UNG: variants seen among roughly 807,000 people sequenced by gnomAD.
UNG encodes the protein uracil DNA glycosylase.
UNG carries 34 observed loss-of-function variants against 36.5 expected under a neutral mutation model. That is an observed-to-expected ratio of 0.93 (90% CI 0.71 to 1.24). The LOEUF is 1.24. Among genes scored for constraint, UNG ranks in the 50% most tolerant of loss-of-function variants. UNG has a pLI of 0.00. For missense variants in UNG, 391 were observed against 397.6 expected (o/e 0.98, Z 0.14); for synonymous variants, 172 against 157.8 (o/e 1.09, Z -0.67).
chr12:109,101,812 T>G, intron 3 of UNG, 90 bp from the exon 4 acceptor site: 1 of 1,115,320 alleles, frequency 9.0e-7, no homozygotes, highest in Non-Finnish European at 1.4e-6. Context: ...ATAGAAGTGT[T>G]TTATTTGTTT....
Position 109,099,292 on chromosome 12 carries a change from C to CA in UNG, c.435+10dup. The CA allele has an allele frequency of 6.2e-7, 1 of 1,609,934 alleles. No homozygotes were observed. Among genetic ancestry groups the CA allele is most frequent in the South Asian group, 1.1e-5 (1 of 91,016 alleles). Reference sequence around the variant, plus strand: ...ATGTGTGACATAAAAGATGTAAGTACAACTTGTTGATAATTTTTATTGGGG... The same window carrying CA: ...ATGTGTGACATAAAAGATGTAAGTACAAACTTGTTGATAATTTTTATTGGGG... On this transcript the variant is annotated intron_variant, in intron 3 of 6. Coordinates refer to ENST00000242576, the MANE Select transcript of UNG (RefSeq NM_080911.3).
intron 1 of UNG, chr12:109,098,132 G>A: frequency 7.2e-7 from 1 of 1,386,118 alleles, no homozygotes; most frequent in African/African-American, 1.5e-5. Flanking sequence ...GACCACGTGG[G>A]GACGCGGTGG....
At chr12:109,098,054 G>C in intron 1 of UNG, 1 of 1,374,724 alleles carries the variant, frequency 7.3e-7, no homozygotes, top group Non-Finnish European at 9.4e-7. Flanking sequence ...GGCCCTCCTG[G>C]CTCGGTGCGC....
At chr12:109,107,685 C>G (rs1179880341) in intron 6 of UNG, among the ~76,000 whole-genome samples, 3 of 151,874 alleles carry the variant, frequency 2.0e-5, no homozygotes, top group Non-Finnish European at 1.5e-5. Flanking sequence ...ACCACCACAT[C>G]CAGCTAATTT....
chr12:109,097,838 G>C (rs1201871410), intron 1 of UNG, 27 bp downstream of exon 1: 4 of 1,501,978 alleles, frequency 2.7e-6, no homozygotes, highest in Non-Finnish European at 3.6e-6. Context: ...GCCGGGGCTA[G>C]GGGGTGAAGG....
rs773617744 is a variant in UNG, at chr12:109,098,599, G to A, written c.300G>A (p.Lys100=). 6.2e-7 allele frequency: 1 copy of A among 1,613,590 alleles called. No individual in the cohort carries two copies. ...VPVGFGESWK[K]HLSGEFGKPY... ...TGGGCTTTGGAGAGAGCTGGAAGAAGCACCTCAGCGGGGAGTTCGGGAAAC... is the reference window on the plus strand; with the variant it reads ...TGGGCTTTGGAGAGAGCTGGAAGAAACACCTCAGCGGGGAGTTCGGGAAAC... The change falls in exon 2 of 7, where the codon AAG becomes AAA. Residue 100 remains lysine (K), a synonymous_variant. Transcript: ENST00000242576.
Position 109,103,463 on chromosome 12 carries a change from T to G in UNG, c.653T>G (p.Val218Gly), listed in dbSNP as rs1357632504. Reference protein sequence around the residue: ...GVLLLNAVLTVRAHQANSHKE... With the variant: ...GVLLLNAVLTGRAHQANSHKE... ...CTCCTTCTCAACGCTGTCCTCACGG[T>G]TCGTGCCCATCAAGCCAACTCTCAT... The change falls in exon 6 of 7, where the codon GTT becomes GGT. Residue 218 changes from valine (V) to glycine (G), a missense_variant. Coordinates refer to ENST00000242576, the MANE Select transcript of UNG (RefSeq NM_080911.3). 1.9e-6 allele frequency: 3 copies of G among 1,614,184 alleles called. No homozygotes were observed. Among genetic ancestry groups the G allele is most frequent in the Non-Finnish European group, 2.5e-6 (3 of 1,180,032 alleles).
chr12:109,098,553 T>A lies in UNG; in HGVS notation c.254T>A (p.Leu85His), dbSNP rs1297621204. 2 of 1,613,204 alleles carry A rather than the reference T, an allele frequency of 1.2e-6. No homozygotes were observed. The highest frequency in any genetic ancestry group is 1.7e-6 in the Non-Finnish European group (2 of 1,179,988). Residue 85 changes from leucine (L) to histidine (H), a missense_variant, in exon 2 of 7, where the codon CTC (leucine) becomes CAC (histidine). Coordinates refer to ENST00000242576, the MANE Select transcript of UNG (RefSeq NM_080911.3). ...AACAAGGCCGCGGCCCTGCTCAGAC[T>A]CGCGGCCCGCAACGTGCCCGTGGGC... ...QRNKAAALLR[L>H]AARNVPVGFG...
At chr12:109,107,518 CTTTTTTTTTTTT>C (rs34833015) in intron 6 of UNG, among the ~76,000 whole-genome samples, 5 of 89,436 alleles carry the variant, frequency 5.6e-5, no homozygotes, top group African/African-American at 2.0e-4. Flanking sequence ...GACTATTCCT[CTTTTTTTTTTTT>C]TTTTTTTTTT....
Position 109,110,475 on chromosome 12 carries a change from A to G in UNG, c.*506A>G, listed in dbSNP as rs1018053439. On this transcript the variant is annotated 3_prime_UTR_variant, in exon 7 of 7. Coordinates refer to ENST00000242576, the MANE Select transcript of UNG (RefSeq NM_080911.3). ...AAGGAGTCCTCAGGCCCCTCGCAGC[A>G]TAAGGATGTTTTGCAACTTTCCAGA... The G allele has an allele frequency of 5.9e-6, 1 of 168,796 alleles. No homozygotes were observed. Among genetic ancestry groups the G allele is most frequent in the African/African-American group, 2.4e-5 (1 of 41,950 alleles). 10.5% of individuals were successfully genotyped at this position (168,796 alleles called of 1,614,324 possible).
Position 109,098,482 on chromosome 12 carries a change from G to T in UNG, c.183G>T (p.Pro61=). 1 of 1,612,202 alleles carries T rather than the reference G, an allele frequency of 6.2e-7. No homozygotes were observed. Among genetic ancestry groups the T allele is most frequent in the South Asian group, 1.1e-5 (1 of 91,008 alleles). ...APAGQEEPGT[P]PSSPLSAEQL... ...CTGGGCAGGAGGAGCCTGGGACGCC[G>T]CCCTCCTCGCCGCTGAGTGCCGAGC... Residue 61 remains proline, a synonymous_variant, in exon 2 of 7, where the codon CCG becomes CCT. Transcript: ENST00000242576.
At chr12:109,097,947 T>C in intron 1 of UNG, 136 bp downstream of exon 1, 1 of 1,302,926 alleles carries the variant, frequency 7.7e-7, no homozygotes, top group Non-Finnish European at 1.0e-6. Context: ...CTCCACGTGT[T>C]CAAAATAGCC....
chr12:109,099,882 A>G lies in UNG; in HGVS notation c.435+598A>G, dbSNP rs112130589. 9.6e-3 allele frequency among the ~76,000 whole-genome samples: 1,457 copies of G among 152,150 alleles called. 26 individuals carry two copies. Among genetic ancestry groups the G allele is most frequent in the African/African-American group, 0.032 (1,344 of 41,516 alleles). ...ATTTGAGGTCAGGAGTTCAAGACCA[A>G]TGAAACCTGGTCTCTCCTAAAATAC... On this transcript the variant is annotated intron_variant, in intron 3 of 6. Coordinates refer to ENST00000242576, the MANE Select transcript of UNG (RefSeq NM_080911.3).
At position 109,109,922 on chromosome 12, in the gene UNG, C is replaced by T. The variant is rs200129045; in HGVS notation, c.895C>T (p.Leu299=). The change falls in exon 7 of 7, where the codon CTG becomes TTG. Residue 299 remains leucine, a synonymous_variant. Coordinates refer to ENST00000242576, the MANE Select transcript of UNG (RefSeq NM_080911.3). ...GCRHFSKTNE[L]LQKSGKKPID... ...TAGACACTTTTCAAAGACCAATGAG[C>T]TGCTGCAGAAGTCTGGCAAGAAGCC... is the stretch of plus-strand genomic sequence containing the variant. 6.2e-6 allele frequency: 10 copies of T among 1,614,168 alleles called. No homozygotes were observed. In the African/African-American group the frequency reaches 1.1e-4, roughly 17 times the overall value.
In UNG at chr12:109,110,132, C is replaced by A; in HGVS notation, c.*163C>A. ...GGCTGTCCAGGAATGGCAGCTGTAT[C>A]CAACCACAAACAACAAAGGCTACCC... On this transcript the variant is annotated 3_prime_UTR_variant, in exon 7 of 7. Transcript: ENST00000242576. 2.2e-6 allele frequency: 2 copies of A among 899,540 alleles called. No homozygotes were observed. Among genetic ancestry groups the A allele is most frequent in the South Asian group, 3.1e-5 (2 of 65,002 alleles). The allele number at this position is 899,540 out of a possible 1,614,324, so 55.7% of individuals were successfully genotyped here.
In UNG at chr12:109,103,444, C is replaced by G; in HGVS notation, c.634C>G (p.Leu212Val). 1.2e-6 allele frequency: 2 copies of G among 1,614,118 alleles called. No homozygotes were observed. Among genetic ancestry groups the G allele is most frequent in the Non-Finnish European group, 1.7e-6 (2 of 1,180,012 alleles). The change falls in exon 6 of 7, where the codon CTC (leucine) becomes GTC (valine). Residue 212 changes from leucine (L) to valine (V), a missense_variant. Coordinates refer to ENST00000242576, the MANE Select transcript of UNG (RefSeq NM_080911.3). ...TCTCATGTGTATAGGTGTTCTCCTT[C>G]TCAACGCTGTCCTCACGGTTCGTGC... ...SGWAKQGVLL[L>V]NAVLTVRAHQ... is the part of the protein sequence containing the mutation.
At chr12:109,097,883 C>A (rs1481081124) in intron 1 of UNG, 72 bp downstream of exon 1, 10 of 1,434,088 alleles carry the variant, frequency 7.0e-6, no homozygotes, top group Non-Finnish European at 9.2e-7. Flanking sequence ...TGACGGAGGG[C>A]GTGCAGGATC....
intron 3 of UNG, 59 bp downstream of exon 3, chr12:109,099,343 A>T: frequency 7.0e-7 from 1 of 1,432,578 alleles, no homozygotes; most frequent in Non-Finnish European, 9.8e-7. Context: ...GTATTTTTAA[A>T]TTAGGGACAC....
intron 6 of UNG, 28 bp downstream of exon 6, chr12:109,103,639 CT>C (rs747503756): frequency 3.1e-3 from 4,078 of 1,332,316 alleles, no homozygotes; most frequent in Middle Eastern, 5.2e-3. Context: ...TCTTTTTTTT[CT>C]TTTTTTTTTA....
Sources: gnomAD v4.1 joint callset for allele counts (sites outside exome capture counted in the v4.1 genomes callset) on GRCh38, gnomAD v4.1.1 for gene constraint, MANE v1.5 for transcripts, NCBI Gene and HGNC (gene_info 2026-07-23, HGNC 2026-07-21) for gene names.